TSHZ2: variants seen among roughly 807,000 people sequenced by gnomAD.
The protein encoded by TSHZ2 is teashirt zinc finger homeobox 2.
A neutral mutation model predicts 74.4 loss-of-function variants in TSHZ2; 21 were observed. The observed-to-expected ratio is 0.28, with a 90% CI of 0.20 to 0.41. The LOEUF (loss-of-function observed/expected upper bound fraction) is 0.41, where lower values mean the gene tolerates loss of function less well. TSHZ2 is among the 10% of genes least tolerant of loss of function. TSHZ2 has a pLI of 1.00. For synonymous variants in TSHZ2, 540 were observed against 515.3 expected, an observed-to-expected ratio of 1.05 and a Z score of -0.65; for missense variants, 1,244 against 1,293.5, an observed-to-expected ratio of 0.96 and a Z score of 0.59.
intron 1 of TSHZ2, 118 bp downstream of exon 1, chr20:52,973,451 G>A: frequency 5.2e-6 from 7 of 1,337,018 alleles, no homozygotes; most frequent in Non-Finnish European, 7.2e-6. Flanking sequence ...GTTTGCGCCG[G>A]GTGCCCTTCT....
chr20:53,389,940 C>T (rs374358067), intron 2 of TSHZ2, among the ~76,000 whole-genome samples: 2 of 152,182 alleles, frequency 1.3e-5, no homozygotes, highest in South Asian at 4.1e-4. Flanking sequence ...TATTTTCATG[C>T]TGTTCTGGTG....
At chr20:53,065,743 C>T (rs1223124852) in intron 1 of TSHZ2, among the ~76,000 whole-genome samples, 1 of 152,172 alleles carries the variant, frequency 6.6e-6, no homozygotes, top group African/African-American at 2.4e-5. Flanking sequence ...GTGCTGCAGA[C>T]GTGAATATAT....
At chr20:53,228,923 C>T (rs1238789800) in intron 1 of TSHZ2, among the ~76,000 whole-genome samples, 1 of 152,210 alleles carries the variant, frequency 6.6e-6, no homozygotes, top group Middle Eastern at 3.2e-3. Context: ...CTTTATGTCT[C>T]AACAGGCGGG....
chr20:53,063,435 C>G (rs1984881476), intron 1 of TSHZ2, among the ~76,000 whole-genome samples: 1 of 152,058 alleles, frequency 6.6e-6, no homozygotes, highest in Admixed American at 6.5e-5. Flanking sequence ...GGAACATATG[C>G]ATAAAATGAT....
chr20:53,401,362 C>A (rs1982651441), intron 2 of TSHZ2: 2 of 152,168 alleles, frequency 1.3e-5, no homozygotes, highest in Admixed American at 6.5e-5. Context: ...TGTACCTTTT[C>A]TATGTTTTTA....
intron 2 of TSHZ2, among the ~76,000 whole-genome samples, chr20:53,443,658 G>C (rs1246802902): frequency 6.6e-6 from 1 of 152,220 alleles, no homozygotes; most frequent in Admixed American, 6.5e-5. Flanking sequence ...GGCTGTGAAT[G>C]TACATCATTT....
At chr20:53,107,017 T>C (rs911047461) in intron 1 of TSHZ2, among the ~76,000 whole-genome samples, 4 of 152,134 alleles carry the variant, frequency 2.6e-5, no homozygotes, top group African/African-American at 9.7e-5. Context: ...CTTTCTAAAA[T>C]GCTCCAGGAG....
At chr20:53,078,102 G>A (rs114236839) in intron 1 of TSHZ2, among the ~76,000 whole-genome samples, 29 of 152,318 alleles carry the variant, frequency 1.9e-4, no homozygotes, top group African/African-American at 4.3e-4. Flanking sequence ...AATGACATGC[G>A]AAGAGCTTCT....
At chr20:53,152,711 T>C (rs969809032) in intron 1 of TSHZ2, among the ~76,000 whole-genome samples, 4 of 152,206 alleles carry the variant, frequency 2.6e-5, no homozygotes, top group Non-Finnish European at 5.9e-5. Flanking sequence ...TTGACCAATA[T>C]CACTCTGCTG....
At chr20:53,321,697 AAAAG>A (rs907248956) in intron 2 of TSHZ2, among the ~76,000 whole-genome samples, 7 of 140,516 alleles carry the variant, frequency 5.0e-5, no homozygotes, top group Non-Finnish European at 7.5e-5. Context: ...AAAAAAAAAA[AAAAG>A]AAAGACATTC....
At position 53,348,614 on chromosome 20, in the gene TSHZ2, G is replaced by A. The variant is rs565364936; in HGVS notation, c.*8+92043G>A. ...ATATTGAGCCGGAAATTTTGGAGGC[G>A]GGGAGGATCGCTGTATGTGAAAAAT... is the stretch of plus-strand genomic sequence containing the variant. On this transcript the variant is annotated intron_variant, in intron 2 of 2. Transcript: ENST00000371497. 3.9e-4 allele frequency among the ~76,000 whole-genome samples: 60 copies of A among 152,244 alleles called. 1 individual carries two copies. The highest frequency in any genetic ancestry group is 9.4e-4 in the African/African-American group (39 of 41,548).
At chr20:53,329,081 A>G (rs994285727) in intron 2 of TSHZ2, among the ~76,000 whole-genome samples, 2 of 152,200 alleles carry the variant, frequency 1.3e-5, no homozygotes, top group Non-Finnish European at 2.9e-5. Context: ...AGGTCTGACT[A>G]TTGCCATCGG....
At chr20:53,088,700 G>T (rs1985775527) in intron 1 of TSHZ2, among the ~76,000 whole-genome samples, 1 of 152,046 alleles carries the variant, frequency 6.6e-6, no homozygotes, top group Non-Finnish European at 1.5e-5. Flanking sequence ...TTCCACTATG[G>T]ATTGACATAT....
intron 2 of TSHZ2, chr20:53,461,345 C>T (rs535515984): frequency 1.3e-5 from 2 of 153,074 alleles, no homozygotes; most frequent in Non-Finnish European, 2.9e-5. Flanking sequence ...GGAAAGGGAA[C>T]TCCCTGACCC....
intron 1 of TSHZ2, among the ~76,000 whole-genome samples, chr20:53,150,426 G>A (rs1987648260): frequency 6.6e-6 from 1 of 152,088 alleles, no homozygotes; most frequent in Non-Finnish European, 1.5e-5. Context: ...TATATAGCTG[G>A]CAAACTAGAA....
chr20:53,211,446 A>G (rs1275383026), intron 1 of TSHZ2, among the ~76,000 whole-genome samples: 5 of 152,164 alleles, frequency 3.3e-5, no homozygotes, highest in Admixed American at 6.5e-5. Context: ...AGGAACATTC[A>G]CAGTCAAAGA....
chr20:53,187,276 G>A (rs950290642), intron 1 of TSHZ2, among the ~76,000 whole-genome samples: 7 of 152,244 alleles, frequency 4.6e-5, no homozygotes, highest in South Asian at 2.1e-4. Context: ...CTGTCGATAC[G>A]TTCAAGATGG....
At chr20:52,983,909 C>T (rs1006557673) in intron 1 of TSHZ2, among the ~76,000 whole-genome samples, 1 of 152,222 alleles carries the variant, frequency 6.6e-6, no homozygotes, top group Admixed American at 6.5e-5. Context: ...GTCCCTCCCC[C>T]ACGGGGAACC....
intron 1 of TSHZ2, among the ~76,000 whole-genome samples, chr20:53,202,109 A>G (rs969407990): frequency 6.6e-6 from 1 of 152,178 alleles, no homozygotes; most frequent in Non-Finnish European, 1.5e-5. Flanking sequence ...GTCAGCTTCT[A>G]TTTAATGTTC....
Sources: gnomAD v4.1 joint callset for allele counts (sites outside exome capture counted in the v4.1 genomes callset) on GRCh38, gnomAD v4.1.1 for gene constraint, MANE v1.5 for transcripts, NCBI Gene and HGNC (gene_info 2026-07-23, HGNC 2026-07-21) for gene names.